PLEKHA2: variants seen among roughly 807,000 people sequenced by gnomAD.
The protein encoded by PLEKHA2 is pleckstrin homology domain containing A2.
A neutral mutation model predicts 53.2 loss-of-function variants in PLEKHA2; 28 were observed. The observed-to-expected ratio is 0.53, with a 90% confidence interval of 0.39 to 0.72. The LOEUF is 0.72. Ranked by LOEUF, PLEKHA2 falls within the 30% of genes least tolerant of loss-of-function variation. The pLI is 0.00. For missense variants in PLEKHA2, 426 were observed against 537.9 expected, an observed-to-expected ratio of 0.79 and a Z score of 2.06; for synonymous variants, 193 against 196.4, an observed-to-expected ratio of 0.98 and a Z score of 0.14.
rs1421551363 is a variant in PLEKHA2, at chr8:38,971,687, G to A, written c.*1904G>A. The A allele has an allele frequency of 6.6e-6, 1 of 152,172 alleles. No homozygotes were observed. The highest frequency in any genetic ancestry group is 1.9e-4 in the East Asian group (1 of 5,196). The allele number at this position is 152,172 out of a possible 1,614,324, so 9.4% of individuals were successfully genotyped here. On this transcript the variant is annotated 3_prime_UTR_variant, in exon 12 of 12. Coordinates refer to ENST00000617275, the MANE Select transcript of PLEKHA2 (RefSeq NM_021623.2). The stretch of plus-strand genomic sequence containing the variant: ...AATTATCTGATAAGGCCGGCAAGGT[G>A]GCTCACGCCTGTAATCCCAGCACTT...
At chr8:38,938,435 C>A (rs1057324311) in intron 3 of PLEKHA2, among the ~76,000 whole-genome samples, 1 of 152,112 alleles carries the variant, frequency 6.6e-6, no homozygotes, top group Non-Finnish European at 1.5e-5. Context: ...CGCAGCAGAG[C>A]TAGGAGACCT....
rs542522703 is a variant in PLEKHA2 at position 38,964,104 on chromosome 8, G to A, written c.838-4488G>A. On this transcript the variant is annotated intron_variant, in intron 10 of 11. Coordinates refer to ENST00000617275, the MANE Select transcript of PLEKHA2 (RefSeq NM_021623.2). Reference sequence around the variant, plus strand: ...GCCAGATGTAAGAAGAGATTTAAAAGGGTGTGAATTCTTTAATTTAGTAAT... The same window carrying A: ...GCCAGATGTAAGAAGAGATTTAAAAAGGTGTGAATTCTTTAATTTAGTAAT... Among the ~76,000 whole-genome samples, 417 of 152,320 alleles carry A rather than the reference G, an allele frequency of 2.7e-3. 2 individuals are homozygous for A. Among genetic ancestry groups the A allele is most frequent in the African/African-American group, 9.5e-3 (397 of 41,580 alleles).
chr8:38,934,816 GTA>G (rs145687960), intron 2 of PLEKHA2, among the ~76,000 whole-genome samples: 53,715 of 150,430 alleles, frequency 0.36, 9,757 homozygotes, highest in Middle Eastern at 0.39. Context: ...CTGAACAGAT[GTA>G]TATATATATA....
chr8:38,918,030 C>CA lies in PLEKHA2; in HGVS notation c.101_102insA (p.Gln35ProfsTer3). 1 of 1,613,404 alleles carries CA rather than the reference C, an allele frequency of 6.2e-7. No individual in the cohort carries two copies. Among genetic ancestry groups the CA allele is most frequent in the Non-Finnish European group, 8.5e-7 (1 of 1,179,614 alleles). ...CTGCGGAGGTACTTCATTCTGGACA[C>CA]CCAGGCTAACTGCCTCCTCTGGTAT... is the stretch of plus-strand genomic sequence containing the variant. On this transcript the variant is annotated frameshift_variant, in exon 2 of 12. Coordinates refer to ENST00000617275, the MANE Select transcript of PLEKHA2 (RefSeq NM_021623.2). LOFTEE classifies it high-confidence loss of function.
intron 1 of PLEKHA2, among the ~76,000 whole-genome samples, chr8:38,905,522 A>G (rs1195056736): frequency 6.6e-6 from 1 of 151,474 alleles, no homozygotes; most frequent in Non-Finnish European, 1.5e-5. Flanking sequence ...CCTCCTTACC[A>G]CACCCAGCCC....
chr8:38,918,444 CAA>C (rs1834105463), intron 2 of PLEKHA2, among the ~76,000 whole-genome samples: 8 of 102,956 alleles, frequency 7.8e-5, no homozygotes, highest in Middle Eastern at 5.5e-3. Flanking sequence ...TACACACACA[CAA>C]CCCATACACC....
In PLEKHA2 at chr8:38,972,297, C is replaced by T. The variant is rs1176455459; in HGVS notation, c.*2514C>T. On this transcript the variant is annotated 3_prime_UTR_variant, in exon 12 of 12. Transcript: ENST00000617275. ...GAATCTCTGGGCTTAAGCAATCCTC[C>T]CATGTTAGCTTCCCAAGTAGCTAGG... 1 of 152,046 alleles carries T rather than the reference C, an allele frequency of 6.6e-6. No homozygotes were observed. Among genetic ancestry groups the T allele is most frequent in the Non-Finnish European group, 1.5e-5 (1 of 68,036 alleles). The allele number at this position is 152,046 out of a possible 1,614,324, so 9.4% of individuals were successfully genotyped here.
intron 2 of PLEKHA2, among the ~76,000 whole-genome samples, chr8:38,930,950 G>T (rs1834382191): frequency 6.6e-6 from 1 of 152,206 alleles, no homozygotes; most frequent in Non-Finnish European, 1.5e-5. Context: ...CAAACCCTGA[G>T]AATGAAGCAT....
intron 1 of PLEKHA2, among the ~76,000 whole-genome samples, chr8:38,908,185 T>A (rs1217835098): frequency 6.6e-6 from 1 of 152,174 alleles, no homozygotes; most frequent in Non-Finnish European, 1.5e-5. Flanking sequence ...CTGAGTATTC[T>A]GTTGGCCCGA....
chr8:38,929,059 T>C (rs1834341831), intron 2 of PLEKHA2, among the ~76,000 whole-genome samples: 1 of 152,230 alleles, frequency 6.6e-6, no homozygotes, highest in African/African-American at 2.4e-5. Context: ...CTCTGAGCTA[T>C]ACCCCCTCTG....
At chr8:38,955,431 T>C (rs1197104661) in intron 9 of PLEKHA2, among the ~76,000 whole-genome samples, 2 of 152,262 alleles carry the variant, frequency 1.3e-5, no homozygotes, top group Non-Finnish European at 2.9e-5. Context: ...TTCTGTGACA[T>C]ACATTATGCC....
chr8:38,928,348 A>C (rs1004358833), intron 2 of PLEKHA2, among the ~76,000 whole-genome samples: 12 of 149,178 alleles, frequency 8.0e-5, no homozygotes, highest in African/African-American at 3.0e-4. Context: ...TCCTGGGTTC[A>C]AGCGATTCTC....
intron 3 of PLEKHA2, among the ~76,000 whole-genome samples, chr8:38,938,695 G>T (rs1286274487): frequency 1.3e-5 from 2 of 152,174 alleles, no homozygotes; most frequent in Admixed American, 6.5e-5. Context: ...CTGCTGGGGT[G>T]TTCACAGGAC....
At chr8:38,952,727 T>G (rs1249066978) in intron 8 of PLEKHA2, 23 bp downstream of exon 8, 2 of 1,604,180 alleles carry the variant, frequency 1.2e-6, no homozygotes, top group Admixed American at 3.3e-5. Flanking sequence ...TTTGCTGCCC[T>G]TCTGAGAGGT....
At chr8:38,964,679 A>G (rs1237444619) in intron 10 of PLEKHA2, among the ~76,000 whole-genome samples, 1 of 151,938 alleles carries the variant, frequency 6.6e-6, no homozygotes, top group East Asian at 1.9e-4. Context: ...GACGTCTGGT[A>G]ACATGGAAAA....
At chr8:38,923,497 G>A (rs763656370) in intron 2 of PLEKHA2, among the ~76,000 whole-genome samples, 2 of 152,066 alleles carry the variant, frequency 1.3e-5, no homozygotes, top group Non-Finnish European at 2.9e-5. Context: ...ATGAGCTACC[G>A]CGCCCAGCCT....
intron 10 of PLEKHA2, among the ~76,000 whole-genome samples, chr8:38,961,096 A>C (rs560133506): frequency 2.0e-5 from 3 of 152,354 alleles, no homozygotes; most frequent in Non-Finnish European, 4.4e-5. Flanking sequence ...TATTAAGCTC[A>C]TGGAGGTAGC....
chr8:38,910,573 G>A (rs1833940560), intron 1 of PLEKHA2, among the ~76,000 whole-genome samples: 1 of 152,184 alleles, frequency 6.6e-6, no homozygotes, highest in African/African-American at 2.4e-5. Flanking sequence ...TTATAGTGAT[G>A]ATAACAATAT....
chr8:38,905,920 G>A (rs1833866558), intron 1 of PLEKHA2, among the ~76,000 whole-genome samples: 1 of 152,142 alleles, frequency 6.6e-6, no homozygotes, highest in South Asian at 2.1e-4. Flanking sequence ...TCCTGACCTC[G>A]TGATCCACCC....
Sources: gnomAD v4.1 joint callset for allele counts (sites outside exome capture counted in the v4.1 genomes callset) on GRCh38, gnomAD v4.1.1 for gene constraint, MANE v1.5 for transcripts, NCBI Gene and HGNC (gene_info 2026-07-23, HGNC 2026-07-21) for gene names.